Variants in KLF11 observed in about 807,000 individuals in gnomAD.
KLF11 encodes the protein Krueppel-like factor 11.
KLF11 carries 26 observed loss-of-function variants against 29.9 expected under a neutral mutation model. That is an observed-to-expected ratio of 0.87 (90% CI 0.64 to 1.21). The LOEUF (loss-of-function observed/expected upper bound fraction) is 1.21, where lower values mean the gene tolerates loss of function less well. Ranked by LOEUF, KLF11 falls within the 50% of genes most tolerant of loss-of-function variation. The pLI is 0.00. For synonymous variants in KLF11, 318 were observed against 257.4 expected, an observed-to-expected ratio of 1.24 and a Z score of -2.25; for missense variants, 778 against 665.7, an observed-to-expected ratio of 1.17 and a Z score of -1.86.
At chr2:10,047,574 T>G (rs1412332486) in intron 2 of KLF11, 76 bp from the exon 3 acceptor site, 23 of 1,204,282 alleles carry the variant, frequency 1.9e-5, no homozygotes, top group Non-Finnish European at 2.7e-5. Flanking sequence ...TGTGTAAAGG[T>G]ATTGGGAGCA....
chr2:10,052,566 C>G lies in KLF11; in HGVS notation c.*59C>G, dbSNP rs2125283352. 1 of 1,559,412 alleles carries G rather than the reference C, an allele frequency of 6.4e-7. No individual in the cohort carries two copies. Among genetic ancestry groups the G allele is most frequent in the Non-Finnish European group, 8.8e-7 (1 of 1,141,358 alleles). ...AAAAAGCCTCTTTCCAGGAATGGAA[C>G]TGATGGATTCCTCTCCCACTGCCTC... is the stretch of plus-strand genomic sequence containing the variant. On this transcript the variant is annotated 3_prime_UTR_variant, in exon 4 of 4. Coordinates refer to ENST00000305883, the MANE Select transcript of KLF11 (RefSeq NM_003597.5).
Position 10,048,208 on chromosome 2 carries a change from C to A in KLF11, c.871C>A (p.Pro291Thr). The change falls in exon 3 of 4, where the codon CCT becomes ACT. Residue 291 changes from proline to threonine, a missense_variant. Transcript: ENST00000305883. ...PAPPVLCQMI[P>T]VTGQSSMLPA... ...TCCCCCTGTCCTTTGCCAGATGATC[C>A]CTGTGACTGGACAAAGTAGCATGTT... 4 of 1,614,184 alleles carry A rather than the reference C, an allele frequency of 2.5e-6. No individual in the cohort carries two copies. The highest frequency in any genetic ancestry group is 3.4e-6 in the Non-Finnish European group (4 of 1,180,026).
In KLF11 at chr2:10,053,423, G is replaced by A. The variant is rs1661467167; in HGVS notation, c.*916G>A. On this transcript the variant is annotated 3_prime_UTR_variant, in exon 4 of 4. Coordinates refer to ENST00000305883, the MANE Select transcript of KLF11 (RefSeq NM_003597.5). The stretch of plus-strand genomic sequence containing the variant: ...ATTGTCAGTTCTGACTCCTTTTGCT[G>A]TGGCCTTATCCGTACTATATTGTGG... The A allele has an allele frequency of 5.0e-6, 2 of 398,492 alleles. No individual in the cohort carries two copies. Among genetic ancestry groups the A allele is most frequent in the South Asian group, 2.5e-4 (2 of 7,862 alleles). 24.7% of individuals were successfully genotyped at this position (398,492 alleles called of 1,614,324 possible). A position where few individuals can be genotyped will look rare whatever the true frequency, so the allele number is the denominator to read the frequency against.
rs764393405 is a variant in KLF11 at position 10,048,591 on chromosome 2, C to T, written c.1254C>T (p.His418=). The change falls in exon 3 of 4, where the codon CAC becomes CAT. Residue 418 remains histidine (H), a synonymous_variant. Coordinates refer to ENST00000305883, the MANE Select transcript of KLF11 (RefSeq NM_003597.5). ...SSHLKAHLRT[H]TGEKPFNCSW... Reference sequence around the variant, plus strand: ...ACCTTAAGGCCCATCTTCGCACTCACACAGGTAAGCGCTGGGGCAGGTGGG... The same window carrying T: ...ACCTTAAGGCCCATCTTCGCACTCATACAGGTAAGCGCTGGGGCAGGTGGG... The T allele has an allele frequency of 1.9e-6, 3 of 1,599,878 alleles. No individual in the cohort carries two copies. The East Asian group carries it at 6.7e-5, about 36-fold the overall frequency.
chr2:10,046,491 C>A, intron 2 of KLF11, 72 bp downstream of exon 2: 2 of 1,536,164 alleles, frequency 1.3e-6, no homozygotes, highest in Non-Finnish European at 8.9e-7. Context: ...TGTTGAAGAA[C>A]TTGTGAGAAG....
chr2:10,052,964 A>T lies in KLF11; in HGVS notation c.*457A>T, dbSNP rs920552860. 1 of 350,232 alleles carries T rather than the reference A, an allele frequency of 2.9e-6. No homozygotes were observed. The highest frequency in any genetic ancestry group is 5.1e-6 in the Non-Finnish European group (1 of 196,808). The allele number at this position is 350,232 out of a possible 1,614,324, so 21.7% of individuals were successfully genotyped here. A position where few individuals can be genotyped will look rare whatever the true frequency, so the allele number is the denominator to read the frequency against. ...TGCAGCCTTCTTTTCAGTGTTTAATAACAAAGTTTTTCCTAATGGCCCTTC... is the reference window on the plus strand; with the variant it reads ...TGCAGCCTTCTTTTCAGTGTTTAATTACAAAGTTTTTCCTAATGGCCCTTC... On this transcript the variant is annotated 3_prime_UTR_variant, in exon 4 of 4. Coordinates refer to ENST00000305883, the MANE Select transcript of KLF11 (RefSeq NM_003597.5).
intron 1 of KLF11, chr2:10,044,296 G>A: frequency 2.0e-6 from 2 of 984,482 alleles, no homozygotes; most frequent in Non-Finnish European, 2.4e-6. Flanking sequence ...TTGGAGGCGG[G>A]GCAACGCTTG....
chr2:10,053,412 C>G lies in KLF11; in HGVS notation c.*905C>G, dbSNP rs1661467008. On this transcript the variant is annotated 3_prime_UTR_variant, in exon 4 of 4. Coordinates refer to ENST00000305883, the MANE Select transcript of KLF11 (RefSeq NM_003597.5). ...CTGCTTTGTCAATTGTCAGTTCTGA[C>G]TCCTTTTGCTGTGGCCTTATCCGTA... 8 of 398,526 alleles carry G rather than the reference C, an allele frequency of 2.0e-5. No individual in the cohort carries two copies. The East Asian group carries it at 2.5e-4, about 12-fold the overall frequency. The allele number at this position is 398,526 out of a possible 1,614,324, so 24.7% of individuals were successfully genotyped here.
chr2:10,048,209 C>T lies in KLF11; in HGVS notation c.872C>T (p.Pro291Leu), dbSNP rs1374158098. ...CCCCCTGTCCTTTGCCAGATGATCC[C>T]TGTGACTGGACAAAGTAGCATGTTA... ...PAPPVLCQMIPVTGQSSMLPA... is the reference protein window; with the variant it reads ...PAPPVLCQMILVTGQSSMLPA... The change falls in exon 3 of 4, where the codon CCT (proline) becomes CTT (leucine). Residue 291 changes from proline (P) to leucine (L), a missense_variant. Coordinates refer to ENST00000305883, the MANE Select transcript of KLF11 (RefSeq NM_003597.5). The T allele has an allele frequency of 1.2e-6, 2 of 1,614,216 alleles. No homozygotes were observed. The highest frequency in any genetic ancestry group is 1.6e-4 in the Middle Eastern group (1 of 6,062).
intron 2 of KLF11, among the ~76,000 whole-genome samples, chr2:10,046,679 A>C (rs1661214946): frequency 6.6e-6 from 1 of 152,060 alleles, no homozygotes. Context: ...ACATGGTGAA[A>C]CCTCATCTCT....
chr2:10,050,892 C>CTTTTTTTTTTTTTTTTTTTTTTTTT, intron 3 of KLF11, among the ~76,000 whole-genome samples: 1 of 54,826 alleles, frequency 1.8e-5, no homozygotes, highest in Non-Finnish European at 3.1e-5. Flanking sequence ...TAGATGCTAC[C>CTTTTTTTTTTTTTTTTTTTTTTTTT]TTTTTTTTTT....
chr2:10,046,971 C>G (rs957490153), intron 2 of KLF11, among the ~76,000 whole-genome samples: 1 of 152,146 alleles, frequency 6.6e-6, no homozygotes, highest in Non-Finnish European at 1.5e-5. Context: ...TGGGATGAAA[C>G]CTACAGATTA....
chr2:10,045,465 C>T (rs896300830), intron 1 of KLF11, among the ~76,000 whole-genome samples: 2 of 152,164 alleles, frequency 1.3e-5, no homozygotes, highest in African/African-American at 4.8e-5. Context: ...CCACTGCACT[C>T]CAGCCTGGGC....
At chr2:10,044,325 G>C in intron 1 of KLF11, 6 of 985,196 alleles carry the variant, frequency 6.1e-6, no homozygotes, top group Non-Finnish European at 7.2e-6. Flanking sequence ...AACGCGGCAC[G>C]CGAGCGTTGG....
intron 3 of KLF11, among the ~76,000 whole-genome samples, chr2:10,049,765 A>T (rs758672423): frequency 1.3e-5 from 2 of 152,140 alleles, no homozygotes; most frequent in African/African-American, 4.8e-5. Context: ...AGTTAGTTGT[A>T]TATCTCACCT....
At chr2:10,051,120 G>T (rs1160774140) in intron 3 of KLF11, among the ~76,000 whole-genome samples, 1 of 151,694 alleles carries the variant, frequency 6.6e-6, no homozygotes, top group East Asian at 1.9e-4. Context: ...ATGTTAGTCA[G>T]GATGGTCTCC....
chr2:10,050,471 C>T (rs1036942581), intron 3 of KLF11, among the ~76,000 whole-genome samples: 13 of 149,798 alleles, frequency 8.7e-5, no homozygotes, highest in African/African-American at 3.2e-4. Context: ...CAGCACTTTC[C>T]GAGGCCAAGG....
rs1661259665 is a variant in KLF11 at position 10,047,777 on chromosome 2, G to C, written c.440G>C (p.Arg147Thr). 1 of 1,613,610 alleles carries C rather than the reference G, an allele frequency of 6.2e-7. No homozygotes were observed. Among genetic ancestry groups the C allele is most frequent in the Admixed American group, 1.7e-5 (1 of 60,008 alleles). ...CTCCAGTCCTCTGCCGTAGTGGCCA[G>C]AGCTCTGAGCGGGGGCGCGGAGAGG... ...DVLQSSAVVA[R>T]ALSGGAERGL... The change falls in exon 3 of 4, where the codon AGA becomes ACA. Residue 147 changes from arginine (R) to threonine (T), a missense_variant. Coordinates refer to ENST00000305883, the MANE Select transcript of KLF11 (RefSeq NM_003597.5).
chr2:10,044,526 G>A (rs951055361), intron 1 of KLF11: 2 of 816,488 alleles, frequency 2.4e-6, no homozygotes, highest in Admixed American at 6.2e-5. Flanking sequence ...CAGAGGCCGG[G>A]GATTTGAGGT....
Sources: gnomAD v4.1 joint callset for allele counts (sites outside exome capture counted in the v4.1 genomes callset) on GRCh38, gnomAD v4.1.1 for gene constraint, MANE v1.5 for transcripts, NCBI Gene and HGNC (gene_info 2026-07-23, HGNC 2026-07-21) for gene names.